Variants in AGPAT5 observed in about 807,000 individuals in gnomAD.
AGPAT5 encodes 1-acyl-sn-glycerol-3-phosphate acyltransferase epsilon.
In AGPAT5, 46 loss-of-function variants were observed where a neutral mutation model predicts 45.6. That is an observed-to-expected ratio of 1.01 (90% CI 0.80 to 1.29). The LOEUF (loss-of-function observed/expected upper bound fraction) is 1.29, where lower values mean the gene tolerates loss of function less well. AGPAT5 is among the 50% of genes most tolerant of loss of function. The pLI is 0.00. For synonymous variants in AGPAT5, 272 were observed against 167.0 expected (o/e 1.63, Z -4.85); for missense variants, 673 against 450.7 (o/e 1.49, Z -4.47).
intron 2 of AGPAT5, among the ~76,000 whole-genome samples, chr8:6,727,311 C>T (rs940964618): frequency 6.6e-6 from 1 of 152,148 alleles, no homozygotes; most frequent in South Asian, 2.1e-4. Flanking sequence ...GCTTATTTCT[C>T]TCTCGAGTCA....
At chr8:6,723,329 G>C (rs1800570173) in intron 1 of AGPAT5, among the ~76,000 whole-genome samples, 2 of 152,142 alleles carry the variant, frequency 1.3e-5, no homozygotes, top group African/African-American at 4.8e-5. Flanking sequence ...GTGTGGGCAG[G>C]TGCGCACCAC....
In AGPAT5 at chr8:6,757,235, C is replaced by A; in HGVS notation, c.942C>A (p.Ser314=). ...RKRFPGKSVN[S]KLSIKKTLPS... is the part of the protein sequence containing the mutation. ...GATTTCCTGGGAAAAGTGTTAATTC[C>A]AAATTAAGTATCAAGAAGACTTTAC... is the stretch of plus-strand genomic sequence containing the variant. The change falls in exon 8 of 8, where the codon TCC becomes TCA. Residue 314 remains serine, a synonymous_variant. Transcript: ENST00000285518. 6.2e-7 allele frequency: 1 copy of A among 1,614,082 alleles called. No individual in the cohort carries two copies. The highest frequency in any genetic ancestry group is 1.1e-5 in the South Asian group (1 of 91,068).
chr8:6,753,059 A>G (rs1428638413), intron 6 of AGPAT5, among the ~76,000 whole-genome samples: 3 of 152,228 alleles, frequency 2.0e-5, no homozygotes, highest in South Asian at 2.1e-4. Flanking sequence ...CCTGCGTAGA[A>G]TTGCAGAGAT....
At chr8:6,732,732 T>A in intron 4 of AGPAT5, 82 bp downstream of exon 4, 1 of 1,225,410 alleles carries the variant, frequency 8.2e-7, no homozygotes, top group South Asian at 1.6e-5. Context: ...AAGAATTGTT[T>A]TGACAATGTA....
At chr8:6,715,683 T>A (rs1177783654) in intron 1 of AGPAT5, among the ~76,000 whole-genome samples, 1 of 152,172 alleles carries the variant, frequency 6.6e-6, no homozygotes, top group Admixed American at 6.5e-5. Context: ...GACCCCCTAC[T>A]TTCAAGGTAT....
intron 5 of AGPAT5, 66 bp from the exon 6 acceptor site, chr8:6,747,604 A>G (rs543382839): frequency 4.3e-6 from 6 of 1,385,796 alleles, no homozygotes; most frequent in South Asian, 2.8e-5. Flanking sequence ...AATAATTTAG[A>G]TGTTAAACAG....
Position 6,760,047 on chromosome 8 carries a change from T to C in AGPAT5, c.*2659T>C, listed in dbSNP as rs577774932. On this transcript the variant is annotated 3_prime_UTR_variant, in exon 8 of 8. Coordinates refer to ENST00000285518, the MANE Select transcript of AGPAT5 (RefSeq NM_018361.5). ...TCATTTCCATGTGATTTTTAAAATT[T>C]AGAGTGGCAACAATTTTGCTTAATA... Among the ~76,000 whole-genome samples the C allele has an allele frequency of 3.0e-4, 45 of 152,344 alleles. No individual in the cohort carries two copies. Among genetic ancestry groups the C allele is most frequent in the Non-Finnish European group, 4.4e-4 (30 of 68,034 alleles).
intron 2 of AGPAT5, among the ~76,000 whole-genome samples, chr8:6,729,844 C>G (rs957482429): frequency 6.6e-6 from 1 of 152,156 alleles, no homozygotes; most frequent in Non-Finnish European, 1.5e-5. Flanking sequence ...ATTTATTTAA[C>G]TATAGTTATT....
At chr8:6,741,979 T>C (rs963357959) in intron 5 of AGPAT5, among the ~76,000 whole-genome samples, 5 of 152,182 alleles carry the variant, frequency 3.3e-5, no homozygotes, top group Admixed American at 6.5e-5. Flanking sequence ...CTTGTTACGA[T>C]ACATATTCTT....
intron 6 of AGPAT5, among the ~76,000 whole-genome samples, chr8:6,751,521 T>C (rs557761490): frequency 2.5e-4 from 38 of 152,320 alleles, no homozygotes; most frequent in Admixed American, 9.2e-4. Context: ...GTAGTCACCT[T>C]CATGAGGTCT....
In AGPAT5 at chr8:6,759,936, A is replaced by G. The variant is rs1801975929; in HGVS notation, c.*2548A>G. On this transcript the variant is annotated 3_prime_UTR_variant, in exon 8 of 8. Coordinates refer to ENST00000285518, the MANE Select transcript of AGPAT5 (RefSeq NM_018361.5). ...TAAGTGATCTCAGTGAAACATGTCA[A>G]ATGCCTTAAATTAACTAAGTTGGTG... 1.3e-5 allele frequency among the ~76,000 whole-genome samples: 2 copies of G among 152,232 alleles called. No homozygotes were observed.
At chr8:6,757,019 C>A in intron 7 of AGPAT5, 144 bp from the exon 8 acceptor site, 3 of 626,286 alleles carry the variant, frequency 4.8e-6, no homozygotes, top group East Asian at 2.8e-5. Context: ...TCTATTAAAC[C>A]AAGTTTCTGG....
chr8:6,755,786 C>T (rs1216341373), intron 7 of AGPAT5, among the ~76,000 whole-genome samples: 1 of 151,966 alleles, frequency 6.6e-6, no homozygotes, highest in Non-Finnish European at 1.5e-5. Context: ...TTTAATTAAC[C>T]CTCCTGGGTT....
intron 6 of AGPAT5, among the ~76,000 whole-genome samples, chr8:6,752,643 G>A (rs1405724170): frequency 2.0e-5 from 3 of 152,108 alleles, no homozygotes; most frequent in Non-Finnish European, 2.9e-5. Context: ...TTACCCAAGT[G>A]TATCAGTATA....
intron 7 of AGPAT5, among the ~76,000 whole-genome samples, chr8:6,756,199 G>A (rs1801827289): frequency 6.6e-6 from 1 of 152,112 alleles, no homozygotes; most frequent in Admixed American, 6.5e-5. Flanking sequence ...TAACTATGCT[G>A]TTTTCCTTCT....
intron 5 of AGPAT5, among the ~76,000 whole-genome samples, chr8:6,743,662 T>A (rs978466090): frequency 1.3e-5 from 2 of 152,220 alleles, no homozygotes; most frequent in African/African-American, 4.8e-5. Context: ...TTTTAACTAA[T>A]TTTCCTTAGA....
At chr8:6,742,659 G>A (rs1008912689) in intron 5 of AGPAT5, among the ~76,000 whole-genome samples, 43 of 152,300 alleles carry the variant, frequency 2.8e-4, no homozygotes, top group African/African-American at 9.9e-4. Flanking sequence ...ACTAGTGCAT[G>A]AAACTAATTT....
intron 1 of AGPAT5, among the ~76,000 whole-genome samples, chr8:6,715,770 C>T (rs937084833): frequency 6.6e-6 from 1 of 152,144 alleles, no homozygotes; most frequent in South Asian, 2.1e-4. Context: ...TTAACTTTGC[C>T]ATACAGAGGT....
At chr8:6,743,641 G>C (rs1029811484) in intron 5 of AGPAT5, among the ~76,000 whole-genome samples, 1 of 152,148 alleles carries the variant, frequency 6.6e-6, no homozygotes, top group Non-Finnish European at 1.5e-5. Flanking sequence ...TCAGCTGTTC[G>C]AAGGGTTTTG....
Sources: allele counts gnomAD v4.1 joint callset (sites outside exome capture counted in the v4.1 genomes callset), GRCh38; gene constraint gnomAD v4.1.1; transcripts MANE v1.5; gene names NCBI Gene and HGNC (gene_info 2026-07-23, HGNC 2026-07-21).